The following ALDH1L1 variants were observed in gnomAD, a reference collection of about 807,000 sequenced individuals.
ALDH1L1 encodes the protein cytosolic 10-formyltetrahydrofolate dehydrogenase.
In ALDH1L1, 68 loss-of-function variants were observed where a neutral mutation model predicts 101.1. That is an observed-to-expected ratio of 0.67 (90% CI 0.55 to 0.82). The LOEUF is 0.82. Among genes scored for constraint, ALDH1L1 ranks in the 40% least tolerant of loss-of-function variants. ALDH1L1 has a pLI of 0.00. For synonymous variants in ALDH1L1, 486 were observed against 470.8 expected (o/e 1.03, Z -0.42); for missense variants, 1,087 against 1,172.7 (o/e 0.93, Z 1.07).
At chr3:126,135,391 G>T in intron 12 of ALDH1L1, 144 bp downstream of exon 12, 1 of 1,105,054 alleles carries the variant, frequency 9.0e-7, no homozygotes, top group Non-Finnish European at 1.2e-6. Flanking sequence ...CCCCAGCCTG[G>T]CCCATCTGAT....
At position 126,158,411 on chromosome 3, in the gene ALDH1L1, A is replaced by T; in HGVS notation, c.356T>A (p.Ile119Asn). 1 of 1,590,790 alleles carries T rather than the reference A, an allele frequency of 6.3e-7. No individual in the cohort carries two copies. Among genetic ancestry groups the T allele is most frequent in the Non-Finnish European group, 8.6e-7 (1 of 1,165,148 alleles). ...LLPRHRGASA[I>N]NWTLIHGDKK... ...TGTTTTTGCCCCATCTCACCAGTTG[A>T]TGGCCGAGGCCCCTCGGTGCCTAGG... Residue 119 changes from isoleucine (I) to asparagine (N), a missense_variant, in exon 3 of 23, where the codon ATC becomes AAC. Physicochemically the swap from Ile to Asn is moderately radical, Grantham distance 149. Transcript: ENST00000393434.
upstream of ALDH1L1, chr3:126,180,834 A>T: frequency 6.5e-7 from 1 of 1,544,194 alleles, no homozygotes; most frequent in Non-Finnish European, 8.7e-7. Context: ...GGCTTTGAAA[A>T]GTCCCAAGCA....
At chr3:126,170,096 A>G (rs1261854056) in intron 1 of ALDH1L1, among the ~76,000 whole-genome samples, 4 of 152,220 alleles carry the variant, frequency 2.6e-5, no homozygotes, top group African/African-American at 4.8e-5. Context: ...GCTAAAAATC[A>G]TAAAAGTTAA....
At chr3:126,162,740 G>A (rs2081087183) in intron 1 of ALDH1L1, among the ~76,000 whole-genome samples, 1 of 152,032 alleles carries the variant, frequency 6.6e-6, no homozygotes, top group Non-Finnish European at 1.5e-5. Context: ...AGTGGTTCTT[G>A]TATTCTATTT....
chr3:126,158,484 T>C lies in ALDH1L1; in HGVS notation c.283A>G (p.Ile95Val), dbSNP rs1193517198. The change falls in exon 3 of 23, where the codon ATC becomes GTC. Residue 95 changes from isoleucine (I) to valine (V), a missense_variant. By Grantham distance (29) the Ile-to-Val change is conservative (BLOSUM62 3). Coordinates refer to ENST00000393434, the MANE Select transcript of ALDH1L1 (RefSeq NM_012190.4). ...FCSQFIPMEI[I>V]SAPRHGSIIY... ...ATGGAGCCATGCCGGGGGGCACTGATTATCTCCATGGGGATGAATTGGCTG... is the reference window on the plus strand; with the variant it reads ...ATGGAGCCATGCCGGGGGGCACTGACTATCTCCATGGGGATGAATTGGCTG... 3 of 1,614,108 alleles carry C rather than the reference T, an allele frequency of 1.9e-6. No individual in the cohort carries two copies. The highest frequency in any genetic ancestry group is 1.1e-5 in the South Asian group (1 of 91,066).
rs57072531 is a variant in ALDH1L1, at chr3:126,193,360, G to A, written c.-24+4375C>T. The stretch of plus-strand genomic sequence containing the variant: ...CTCAATTATGTCACATTTAGTATAA[G>A]CAACTCCATTTTTGTTTGGTTTGGT... On this transcript the variant is annotated intron_variant, in intron 1 of 2. Coordinates refer to the ALDH1L1 transcript ENST00000509952. Among the ~76,000 whole-genome samples, 20 of 152,282 alleles carry A rather than the reference G, an allele frequency of 1.3e-4. 1 individual carries two copies. Among genetic ancestry groups the A allele is most frequent in the Admixed American group, 1.1e-3 (17 of 15,304 alleles).
intron 1 of ALDH1L1, among the ~76,000 whole-genome samples, chr3:126,165,337 A>G (rs771835595): frequency 3.9e-5 from 6 of 152,134 alleles, no homozygotes; most frequent in Non-Finnish European, 7.3e-5. Flanking sequence ...TATTTTGTTG[A>G]GGATTTTTGT....
Position 126,155,474 on chromosome 3 carries a change from G to T in ALDH1L1, c.558C>A (p.Gly186=), listed in dbSNP as rs774374598. The change falls in exon 5 of 23, where the codon GGC becomes GGA. Residue 186 remains glycine (G), a synonymous_variant. Coordinates refer to ENST00000393434, the MANE Select transcript of ALDH1L1 (RefSeq NM_012190.4). ...CAGGCTGAGGGAGTCTGGGGGCTTT[G>T]CCCTCAGCGATCAGCCTCACGGCCT... ...MVQAVRLIAE[G]KAPRLPQPEE... is the part of the protein sequence containing the mutation. The T allele has an allele frequency of 2.6e-5, 42 of 1,613,108 alleles. No individual in the cohort carries two copies. The highest frequency in any genetic ancestry group is 5.5e-5 in the South Asian group (5 of 90,724).
chr3:126,195,678 C>T (rs1442771367), intron 1 of ALDH1L1, among the ~76,000 whole-genome samples: 1 of 152,186 alleles, frequency 6.6e-6, no homozygotes, highest in Non-Finnish European at 1.5e-5. Flanking sequence ...TTTATTGTGG[C>T]ACTATTCACA....
intron 1 of ALDH1L1, among the ~76,000 whole-genome samples, chr3:126,189,812 T>A (rs900634634): frequency 1.3e-5 from 2 of 152,236 alleles, no homozygotes; most frequent in East Asian, 3.8e-4. Context: ...ACATAAAGGT[T>A]CAGTCTATGT....
At chr3:126,105,959 G>C in intron 21 of ALDH1L1, 34 bp from the exon 22 acceptor site, 1 of 1,599,874 alleles carries the variant, frequency 6.3e-7, no homozygotes, top group Admixed American at 1.7e-5. Flanking sequence ...CTCCCTGAGG[G>C]AGGTGCAGAG....
At chr3:126,107,096 G>A (rs368150098) in intron 21 of ALDH1L1, 45 bp downstream of exon 21, 10 of 1,534,198 alleles carry the variant, frequency 6.5e-6, no homozygotes, top group Admixed American at 1.7e-5. Flanking sequence ...CCAGTAACAC[G>A]TGGGAGAGAG....
Position 126,180,555 on chromosome 3 carries a change from A to G in ALDH1L1, c.-103T>C, listed in dbSNP as rs1416701529. On this transcript the variant is annotated 5_prime_UTR_variant, in exon 1 of 23. Transcript: ENST00000393434. ...AGCCCCGAAACTGAGGTTGGTGCAG[A>G]CCCGTCCTGGGAGCCAGGAGGTGGG... 1 of 1,105,488 alleles carries G rather than the reference A, an allele frequency of 9.0e-7. No homozygotes were observed. Among genetic ancestry groups the G allele is most frequent in the East Asian group, 5.9e-5 (1 of 16,896 alleles). 68.5% of individuals were successfully genotyped at this position (1,105,488 alleles called of 1,614,324 possible).
At chr3:126,171,373 T>C (rs1481634716) in intron 1 of ALDH1L1, among the ~76,000 whole-genome samples, 1 of 151,832 alleles carries the variant, frequency 6.6e-6, no homozygotes, top group African/African-American at 2.4e-5. Flanking sequence ...CACACAACTC[T>C]CCCTCCCAGA....
chr3:126,153,666 G>A, intron 6 of ALDH1L1, 85 bp from the exon 7 acceptor site: 2 of 1,503,590 alleles, frequency 1.3e-6, no homozygotes, highest in Non-Finnish European at 8.9e-7. Context: ...GCAGGGCTGG[G>A]AGAGGGAGAG....
chr3:126,132,639 T>C (rs952809096), intron 12 of ALDH1L1, among the ~76,000 whole-genome samples: 1 of 152,154 alleles, frequency 6.6e-6, no homozygotes, highest in Non-Finnish European at 1.5e-5. Context: ...CTGTACTTGT[T>C]TCAGACACGG....
rs139479433 is a variant in ALDH1L1, at chr3:126,114,641, G to T, written c.1998C>A (p.Asn666Lys). ...KHIMKSCAISNVKKVSLELGG... is the reference protein window; with the variant it reads ...KHIMKSCAISKVKKVSLELGG... ...CCAGTTCCAGGGACACCTTCTTCAC[G>T]TTACTTATGGCACAGCTGCAAGGAA... Residue 666 changes from asparagine to lysine, a missense_variant, in exon 18 of 23, where the codon AAC (asparagine) becomes AAA (lysine). By Grantham distance (94) the Asn-to-Lys change is moderately conservative. Around this residue, in one of 2 missense-constraint regions of ALDH1L1, gnomAD observed 442 missense variants for 535.7 expected, o/e 0.83. Transcript: ENST00000393434. 17 of 1,521,066 alleles carry T rather than the reference G, an allele frequency of 1.1e-5. No individual in the cohort carries two copies. Among genetic ancestry groups the T allele is most frequent in the Non-Finnish European group, 1.3e-5 (15 of 1,134,154 alleles). 94.2% of individuals were successfully genotyped at this position (1,521,066 alleles called of 1,614,324 possible).
intron 21 of ALDH1L1, 103 bp from the exon 22 acceptor site, chr3:126,106,028 C>T (rs1945857283): frequency 8.2e-7 from 1 of 1,216,984 alleles, no homozygotes; most frequent in Admixed American, 2.4e-5. Context: ...ATAAGACCTT[C>T]CGAGGAGAAA....
intron 16 of ALDH1L1, among the ~76,000 whole-genome samples, chr3:126,123,326 C>T (rs1377315650): frequency 6.7e-6 from 1 of 150,348 alleles, no homozygotes; most frequent in African/African-American, 2.5e-5. Context: ...GGCACAATCT[C>T]GGATCACTGC....
Sources: allele counts gnomAD v4.1 joint callset (sites outside exome capture counted in the v4.1 genomes callset), GRCh38; gene constraint gnomAD v4.1.1; regional missense constraint gnomAD v4.1.1; transcripts MANE v1.5; gene names NCBI Gene and HGNC (gene_info 2026-07-23, HGNC 2026-07-21).